Variants in MS4A12 observed in about 807,000 individuals in gnomAD.
MS4A12 encodes membrane spanning 4-domains A12, also known as membrane-spanning 4-domains subfamily A member 12.
Under a neutral mutation model 23.7 loss-of-function variants are expected in MS4A12, and 28 were observed. That is an observed-to-expected ratio of 1.18 (90% CI 0.88 to 1.62). The LOEUF is 1.62. MS4A12 is among the 40% of genes most tolerant of loss of function. The pLI is 0.00. For synonymous variants in MS4A12, 108 were observed against 110.1 expected (o/e 0.98, Z 0.12); for missense variants, 342 against 327.0 (o/e 1.05, Z -0.35).
chr11:60,506,685 C>T, intron 5 of MS4A12, 43 bp from the exon 6 acceptor site: 1 of 1,539,450 alleles, frequency 6.5e-7, no homozygotes, highest in Non-Finnish European at 9.0e-7. Flanking sequence ...CACGTGAGGC[C>T]CTCCTGATTA....
chr11:60,507,051 G>A lies in MS4A12; in HGVS notation c.731G>A (p.Ser244Asn), dbSNP rs780675530. Reference sequence around the variant, plus strand: ...CTGGTTATTCCAAATATGTATGAAAGCAACCCTGTGACACCAGCGTCTTCT... The same window carrying A: ...CTGGTTATTCCAAATATGTATGAAAACAACCCTGTGACACCAGCGTCTTCT... ...SVLVIPNMYE[S>N]NPVTPASSSA... is the part of the protein sequence containing the mutation. The change falls in exon 7 of 7, where the codon AGC becomes AAC. Residue 244 changes from serine (S) to asparagine (N), a missense_variant. Physicochemically the swap from Ser to Asn is conservative, Grantham distance 46 (BLOSUM62 1). Coordinates refer to ENST00000016913, the MANE Select transcript of MS4A12 (RefSeq NM_017716.3). 10 of 1,613,966 alleles carry A rather than the reference G, an allele frequency of 6.2e-6. No individual in the cohort carries two copies. The highest frequency in any genetic ancestry group is 1.1e-5 in the South Asian group (1 of 91,072).
Position 60,506,841 on chromosome 11 carries a change from GA to G in MS4A12, c.699+4del. ...AAGCAAACACCACAACCAATATGGT[GA>G]GTTGGGTCTCTTCTTTGTAAAATAA... is the stretch of plus-strand genomic sequence containing the variant. On this transcript the variant is annotated splice_donor_region_variant and intron_variant, in intron 6 of 6. Coordinates refer to ENST00000016913, the MANE Select transcript of MS4A12 (RefSeq NM_017716.3). 1 of 1,609,322 alleles carries G rather than the reference GA, an allele frequency of 6.2e-7. No individual in the cohort carries two copies. Among genetic ancestry groups the G allele is most frequent in the Non-Finnish European group, 8.5e-7 (1 of 1,175,584 alleles).
At chr11:60,506,657 C>A in intron 5 of MS4A12, 71 bp from the exon 6 acceptor site, 2 of 1,139,630 alleles carry the variant, frequency 1.8e-6, no homozygotes, top group Non-Finnish European at 2.6e-6. Flanking sequence ...TTTGATGAGT[C>A]AATAACTTTT....
At chr11:60,502,128 T>C in intron 4 of MS4A12, 89 bp downstream of exon 4, 4 of 1,331,708 alleles carry the variant, frequency 3.0e-6, no homozygotes, top group Non-Finnish European at 4.3e-6. Flanking sequence ...ATTTGGGAAA[T>C]GCAAAAGGGA....
chr11:60,497,432 C>G lies in MS4A12; in HGVS notation c.114C>G (p.Asn38Lys), dbSNP rs754071051. The change falls in exon 2 of 7, where the codon AAC (asparagine) becomes AAG (lysine). Residue 38 changes from asparagine to lysine, a missense_variant. By Grantham distance (94) the Asn-to-Lys change is moderately conservative. Coordinates refer to ENST00000016913, the MANE Select transcript of MS4A12 (RefSeq NM_017716.3). ...TTCAACAGCCTCTGGGTTCAATCAA[C>G]TTAGAAAACCAAGCTCAGGGTGCTC... ...PGFQQPLGSI[N>K]LENQAQGAQR... The G allele has an allele frequency of 2.1e-5, 34 of 1,614,090 alleles. No individual in the cohort carries two copies. The highest frequency in any genetic ancestry group is 2.7e-5 in the Non-Finnish European group (32 of 1,180,046).
At position 60,494,983 on chromosome 11, in the gene MS4A12, C is replaced by T. The variant is rs1010438230; in HGVS notation, c.-7+2155C>T. Among the ~76,000 whole-genome samples, 3 of 144,922 alleles carry T rather than the reference C, an allele frequency of 2.1e-5. No individual in the cohort carries two copies. In the South Asian group the frequency reaches 6.8e-4, roughly 33 times the overall value. ...TGTTTAAAATAAACTTTTGTGGGCTCAAATGTGTTTACATTTTTTTTTTTT... is the reference window on the plus strand; with the variant it reads ...TGTTTAAAATAAACTTTTGTGGGCTTAAATGTGTTTACATTTTTTTTTTTT... On this transcript the variant is annotated intron_variant, in intron 1 of 6. Transcript: ENST00000016913.
In MS4A12 at chr11:60,501,090, G is replaced by A; in HGVS notation, c.322G>A (p.Val108Ile). 1.2e-6 allele frequency: 2 copies of A among 1,612,442 alleles called. No homozygotes were observed. The highest frequency in any genetic ancestry group is 1.1e-5 in the South Asian group (1 of 90,806). Residue 108 changes from valine to isoleucine, a missense_variant, in exon 3 of 7, where the codon GTT (valine) becomes ATT (isoleucine). Physicochemically the swap from Val to Ile is conservative, Grantham distance 29 (BLOSUM62 3). Coordinates refer to ENST00000016913, the MANE Select transcript of MS4A12 (RefSeq NM_017716.3). The part of the protein sequence containing the change: ...VGLMHIGFGI[V>I]LCLISFSFRE... ...ATTGATGCACATTGGTTTTGGAATT[G>A]TTTTGTGTTTAATATCCTTCTCTTT...
Position 60,500,151 on chromosome 11 carries a change from G to A in MS4A12, c.277-894G>A, listed in dbSNP as rs544830381. On this transcript the variant is annotated intron_variant, in intron 2 of 6. Transcript: ENST00000016913. ...AGCTACTCGGGAGGGTGAGGCAGGA[G>A]AATGGTGTGAACCCGGGAGGCGGAG... 4.6e-5 allele frequency among the ~76,000 whole-genome samples: 7 copies of A among 151,130 alleles called. No homozygotes were observed. The South Asian group carries it at 1.5e-3, about 32-fold the overall frequency.
chr11:60,503,779 TGC>T lies in MS4A12; in HGVS notation c.551_552del (p.Cys184TyrfsTer59). ...AGTGATTCTGCTGCTGGTGGATATG[TGC>T]ATCAATGGGGTAGCTGGCCAAGACT... ...IGVILLLVDM[C>X]INGVAGQDYW... On this transcript the variant is annotated frameshift_variant, in exon 5 of 7. Coordinates refer to ENST00000016913, the MANE Select transcript of MS4A12 (RefSeq NM_017716.3). LOFTEE classifies it high-confidence loss of function. 6.2e-7 allele frequency: 1 copy of T among 1,613,982 alleles called. No individual in the cohort carries two copies. Among genetic ancestry groups the T allele is most frequent in the Non-Finnish European group, 8.5e-7 (1 of 1,179,878 alleles).
intron 1 of MS4A12, among the ~76,000 whole-genome samples, 161 bp from the exon 2 acceptor site, chr11:60,497,152 G>A (rs1157971087): frequency 6.6e-6 from 1 of 152,178 alleles, no homozygotes; most frequent in Non-Finnish European, 1.5e-5. Flanking sequence ...GTGGGGGTTG[G>A]GGACTTATGA....
intron 5 of MS4A12, among the ~76,000 whole-genome samples, chr11:60,506,322 G>T (rs764700386): frequency 2.0e-5 from 3 of 151,658 alleles, no homozygotes; most frequent in Non-Finnish European, 2.9e-5. Context: ...CCTTTTCCCT[G>T]TACACAGAGA....
At chr11:60,501,742 C>T (rs1036665136) in intron 3 of MS4A12, among the ~76,000 whole-genome samples, 15 of 152,096 alleles carry the variant, frequency 9.9e-5, no homozygotes, top group African/African-American at 3.6e-4. Context: ...GAGCAGTAAG[C>T]CTCAGAACAA....
At chr11:60,496,022 C>T (rs1467072523) in intron 1 of MS4A12, among the ~76,000 whole-genome samples, 2 of 152,198 alleles carry the variant, frequency 1.3e-5, no homozygotes, top group Non-Finnish European at 2.9e-5. Flanking sequence ...CAAGTCCTAA[C>T]TCTGCCACAT....
In MS4A12 at chr11:60,496,971, A is replaced by G. The variant is rs139682720; in HGVS notation, c.-6-342A>G. Among the ~76,000 whole-genome samples the G allele has an allele frequency of 2.0e-4, 31 of 152,310 alleles. 1 individual carries two copies. Among genetic ancestry groups the G allele is most frequent in the African/African-American group, 6.7e-4 (28 of 41,576 alleles). ...ATTAGAGTCTCATAAGGAGCATGCA[A>G]CCTAGATCCCCAACATGTGCAGTTC... On this transcript the variant is annotated intron_variant, in intron 1 of 6. Transcript: ENST00000016913.
At chr11:60,500,975 GC>G in intron 2 of MS4A12, 69 bp from the exon 3 acceptor site, 1 of 1,486,818 alleles carries the variant, frequency 6.7e-7, no homozygotes, top group South Asian at 1.4e-5. Flanking sequence ...AGCAGGGGCA[GC>G]AATGACAGTA....
rs1225706224 is a variant in MS4A12, at chr11:60,497,345, T to C, written c.27T>C (p.His9=). Residue 9 remains histidine (H), a synonymous_variant, in exon 2 of 7, where the codon CAT becomes CAC. Transcript: ENST00000016913. MMSSKPTS[H]AEVNETIPNP... is the part of the protein sequence containing the mutation. ...TGATGTCATCCAAGCCAACAAGCCA[T>C]GCTGAAGTAAATGAAACCATACCCA... 6.2e-7 allele frequency: 1 copy of C among 1,613,960 alleles called. No individual in the cohort carries two copies. Among genetic ancestry groups the C allele is most frequent in the African/African-American group, 1.3e-5 (1 of 74,936 alleles).
Position 60,507,326 on chromosome 11 carries a change from G to A in MS4A12, c.*202G>A. On this transcript the variant is annotated 3_prime_UTR_variant, in exon 7 of 7. Coordinates refer to ENST00000016913, the MANE Select transcript of MS4A12 (RefSeq NM_017716.3). ...ATTACCACTACTACATGCTGGCAAA[G>A]GTGAAGGATCAGAGGACTGAAAAAT... is the stretch of plus-strand genomic sequence containing the variant. 1.9e-6 allele frequency: 1 copy of A among 534,096 alleles called. No homozygotes were observed. Among genetic ancestry groups the A allele is most frequent in the Non-Finnish European group, 3.3e-6 (1 of 302,344 alleles). The allele number at this position is 534,096 out of a possible 1,614,324, so 33.1% of individuals were successfully genotyped here. A position where few individuals can be genotyped will look rare whatever the true frequency, so the allele number is the denominator to read the frequency against.
chr11:60,496,206 G>A (rs1210604964), intron 1 of MS4A12, among the ~76,000 whole-genome samples: 1 of 152,150 alleles, frequency 6.6e-6, no homozygotes, highest in Non-Finnish European at 1.5e-5. Flanking sequence ...GTGATACATT[G>A]TACCAATAGG....
chr11:60,493,662 A>G (rs1565202322), intron 1 of MS4A12, among the ~76,000 whole-genome samples: 1 of 152,240 alleles, frequency 6.6e-6, no homozygotes, highest in Non-Finnish European at 1.5e-5. Flanking sequence ...GTGAAAGGTG[A>G]TATAAGTGTA....
Sources: gnomAD v4.1 joint callset for allele counts (sites outside exome capture counted in the v4.1 genomes callset) on GRCh38, gnomAD v4.1.1 for gene constraint, MANE v1.5 for transcripts, NCBI Gene and HGNC (gene_info 2026-07-23, HGNC 2026-07-21) for gene names.